UNC5C: variants seen among roughly 807,000 people sequenced by gnomAD.
The protein encoded by UNC5C is unc-5 netrin receptor C, also known as netrin receptor UNC5C.
UNC5C carries 47 observed loss-of-function variants against 99.8 expected under a neutral mutation model. That is an observed-to-expected ratio of 0.47 (90% confidence interval 0.37 to 0.60). The LOEUF is 0.60. Ranked by LOEUF, UNC5C falls within the 20% of genes least tolerant of loss-of-function variation. UNC5C has a pLI of 0.00. For synonymous variants in UNC5C, 487 were observed against 452.2 expected (o/e 1.08, Z -0.98); for missense variants, 1,062 against 1,165.9 (o/e 0.91, Z 1.30).
chr4:95,327,878 A>G (rs1253746283), intron 2 of UNC5C, among the ~76,000 whole-genome samples: 3 of 151,986 alleles, frequency 2.0e-5, no homozygotes, highest in Non-Finnish European at 2.9e-5. Flanking sequence ...CTTAATGATG[A>G]AAAAGAATTC....
intron 2 of UNC5C, among the ~76,000 whole-genome samples, chr4:95,309,441 T>C (rs1742193860): frequency 6.6e-6 from 1 of 151,258 alleles, no homozygotes; most frequent in African/African-American, 2.4e-5. Context: ...TAGGAATACA[T>C]CAAACTAAAA....
At chr4:95,328,855 C>G (rs1743004629) in intron 2 of UNC5C, among the ~76,000 whole-genome samples, 1 of 152,194 alleles carries the variant, frequency 6.6e-6, no homozygotes, top group Admixed American at 6.5e-5. Flanking sequence ...GCAACTTCTA[C>G]TCACTGCTGC....
chr4:95,243,884 T>G (rs1739410599), intron 6 of UNC5C, among the ~76,000 whole-genome samples: 1 of 152,198 alleles, frequency 6.6e-6, no homozygotes, highest in African/African-American at 2.4e-5. Flanking sequence ...TCAGTGCATT[T>G]TTAATTGTGG....
chr4:95,286,082 C>G (rs1426809046), intron 3 of UNC5C, among the ~76,000 whole-genome samples: 10 of 152,208 alleles, frequency 6.6e-5, no homozygotes, highest in Admixed American at 6.5e-4. Flanking sequence ...ATTCTAAGCA[C>G]ATGCCTAGCA....
chr4:95,525,026 C>T (rs922110441), intron 1 of UNC5C, among the ~76,000 whole-genome samples: 4 of 152,174 alleles, frequency 2.6e-5, no homozygotes, highest in Non-Finnish European at 4.4e-5. Flanking sequence ...AATGGGTCAC[C>T]GAAGCCTGGT....
chr4:95,279,615 C>T (rs1303506144), intron 3 of UNC5C, among the ~76,000 whole-genome samples: 1 of 152,140 alleles, frequency 6.6e-6, no homozygotes, highest in African/African-American at 2.4e-5. Flanking sequence ...AATTTTATTT[C>T]ATGCATGTAC....
At position 95,314,636 on chromosome 4, in the gene UNC5C, A is replaced by G. The variant is rs17023485; in HGVS notation, c.347-12887T>C. 0.037 allele frequency among the ~76,000 whole-genome samples: 5,659 copies of G among 152,276 alleles called. 648 individuals carry two copies. The East Asian group carries it at 0.46, about 12-fold the overall frequency. The stretch of plus-strand genomic sequence containing the variant: ...ATATTTTAAAAAAGATATAAAATTC[A>G]TGAGTATAATCATGTCTTCTGGAGG... On this transcript the variant is annotated intron_variant, in intron 2 of 15. Coordinates refer to ENST00000453304, the MANE Select transcript of UNC5C (RefSeq NM_003728.4).
intron 1 of UNC5C, among the ~76,000 whole-genome samples, chr4:95,373,238 G>A (rs1363250908): frequency 6.6e-6 from 1 of 152,016 alleles, no homozygotes; most frequent in African/African-American, 2.4e-5. Flanking sequence ...ACTGTTCCCC[G>A]GCTTTCCATG....
At chr4:95,483,223 C>T (rs1381941357) in intron 1 of UNC5C, among the ~76,000 whole-genome samples, 1 of 151,560 alleles carries the variant, frequency 6.6e-6, no homozygotes, top group Non-Finnish European at 1.5e-5. Context: ...AATAATTCAC[C>T]CAGACTCCCT....
intron 1 of UNC5C, among the ~76,000 whole-genome samples, chr4:95,397,175 C>T (rs1025610246): frequency 2.6e-5 from 4 of 152,114 alleles, no homozygotes; most frequent in Admixed American, 1.3e-4. Flanking sequence ...TCTTAAAGAA[C>T]GTAACAGAAG....
chr4:95,230,321 C>T (rs2149372955), intron 7 of UNC5C, among the ~76,000 whole-genome samples: 1 of 151,810 alleles, frequency 6.6e-6, no homozygotes, highest in Non-Finnish European at 1.5e-5. Flanking sequence ...TGTTTAAGTT[C>T]CTTGTTGATT....
At chr4:95,478,011 T>C (rs780797317) in intron 1 of UNC5C, among the ~76,000 whole-genome samples, 14 of 139,366 alleles carry the variant, frequency 1.0e-4, no homozygotes, top group South Asian at 6.3e-4. Flanking sequence ...GCATGGTGCA[T>C]AATAAGTACT....
At chr4:95,409,702 C>A (rs1015925759) in intron 1 of UNC5C, among the ~76,000 whole-genome samples, 1 of 152,130 alleles carries the variant, frequency 6.6e-6, no homozygotes, top group Non-Finnish European at 1.5e-5. Flanking sequence ...CCTCATTGAC[C>A]AGGCAAACTA....
At chr4:95,482,308 G>C (rs1354317219) in intron 1 of UNC5C, among the ~76,000 whole-genome samples, 6 of 151,964 alleles carry the variant, frequency 3.9e-5, no homozygotes, top group African/African-American at 7.3e-5. Flanking sequence ...ACCACAATGA[G>C]ATACCATCTC....
At chr4:95,213,290 C>G (rs1034108625) in intron 10 of UNC5C, among the ~76,000 whole-genome samples, 1 of 152,168 alleles carries the variant, frequency 6.6e-6, no homozygotes, top group Non-Finnish European at 1.5e-5. Flanking sequence ...CAGTCTAGGT[C>G]GGGTTCATTT....
intron 4 of UNC5C, among the ~76,000 whole-genome samples, chr4:95,265,339 A>G (rs375978438): frequency 6.6e-6 from 1 of 152,184 alleles, no homozygotes; most frequent in Non-Finnish European, 1.5e-5. Flanking sequence ...TCACACTGCA[A>G]TAGGTGTGAA....
chr4:95,505,427 A>G (rs1045041530), intron 1 of UNC5C, among the ~76,000 whole-genome samples: 6 of 152,132 alleles, frequency 3.9e-5, no homozygotes, highest in Non-Finnish European at 7.4e-5. Flanking sequence ...CACTCTCATC[A>G]AAGACCATGA....
chr4:95,286,469 G>A (rs1338040799), intron 3 of UNC5C, among the ~76,000 whole-genome samples: 2 of 152,146 alleles, frequency 1.3e-5, no homozygotes, highest in East Asian at 3.9e-4. Flanking sequence ...GGAGGCTGTG[G>A]GGAGCCATGC....
intron 1 of UNC5C, among the ~76,000 whole-genome samples, chr4:95,365,648 C>T (rs1460613884): frequency 6.6e-6 from 1 of 152,054 alleles, no homozygotes; most frequent in South Asian, 2.1e-4. Context: ...TGTCAAAGTG[C>T]CAATTGATCT....
Sources: allele counts gnomAD v4.1 joint callset (sites outside exome capture counted in the v4.1 genomes callset), GRCh38; gene constraint gnomAD v4.1.1; transcripts MANE v1.5; gene names NCBI Gene and HGNC (gene_info 2026-07-23, HGNC 2026-07-21).